Variants in OLA1 observed in about 807,000 individuals in gnomAD.
OLA1 encodes the protein Obg like ATPase 1.
Under a neutral mutation model 48.4 loss-of-function variants are expected in OLA1, and 14 were observed. The observed-to-expected ratio is 0.29, with a 90% CI of 0.19 to 0.45. The LOEUF (loss-of-function observed/expected upper bound fraction) is 0.45, where lower values mean the gene tolerates loss of function less well. OLA1 is among the 20% of genes least tolerant of loss of function. The pLI is 1.00. For synonymous variants in OLA1, 127 were observed against 150.4 expected, an observed-to-expected ratio of 0.84 and a Z score of 1.14; for missense variants, 325 against 467.1, an observed-to-expected ratio of 0.70 and a Z score of 2.80.
Position 174,183,480 on chromosome 2 carries a change from C to A in OLA1, c.373+39553G>T, listed in dbSNP as rs1242726161. ...ACCCTAGCTGGAAAATCTGAATTCA[C>A]CACTTAGCATTAGTGGCCTTTATCT... On this transcript the variant is annotated intron_variant, in intron 4 of 10. Transcript: ENST00000284719. Among the ~76,000 whole-genome samples, 4 of 152,310 alleles carry A rather than the reference C, an allele frequency of 2.6e-5. No individual in the cohort carries two copies. In the East Asian group the frequency reaches 5.8e-4, roughly 22 times the overall value.
intron 4 of OLA1, among the ~76,000 whole-genome samples, chr2:174,174,127 C>G (rs890019458): frequency 6.6e-6 from 1 of 151,298 alleles, no homozygotes; most frequent in African/African-American, 2.4e-5. Flanking sequence ...TAACATGAAT[C>G]CTCCATAAAC....
At chr2:174,201,635 T>C in intron 4 of OLA1, among the ~76,000 whole-genome samples, 1 of 152,198 alleles carries the variant, frequency 6.6e-6, no homozygotes, top group South Asian at 2.1e-4. Context: ...ATTGTTTCTT[T>C]AGTATGCAAA....
At chr2:174,144,951 A>ATTTATATATATATATATAT (rs1553483449) in intron 4 of OLA1, among the ~76,000 whole-genome samples, 1 of 40,278 alleles carries the variant, frequency 2.5e-5, no homozygotes, top group East Asian at 1.9e-3. Flanking sequence ...AAAAAAAAAA[A>ATTTATATATATATATATAT]ATATATATAT....
chr2:174,163,957 C>T lies in OLA1; in HGVS notation c.374-21957G>A, dbSNP rs1055196220. On this transcript the variant is annotated intron_variant, in intron 4 of 10. Coordinates refer to ENST00000284719, the MANE Select transcript of OLA1 (RefSeq NM_013341.5). ...CCAAATCTCATCTTGAATTGTAGTA[C>T]CCACAATCCTCATGTGTGGTGGGAG... 5.3e-5 allele frequency among the ~76,000 whole-genome samples: 8 copies of T among 151,382 alleles called. No individual in the cohort carries two copies. The East Asian group carries it at 1.6e-3, about 30-fold the overall frequency.
intron 2 of OLA1, among the ~76,000 whole-genome samples, chr2:174,243,427 C>A (rs1689053402): frequency 1.3e-5 from 2 of 152,110 alleles, no homozygotes; most frequent in South Asian, 4.1e-4. Context: ...AAATCTTGTT[C>A]AAAAAACAAA....
intron 4 of OLA1, among the ~76,000 whole-genome samples, chr2:174,153,672 G>A (rs1010228244): frequency 6.6e-6 from 1 of 152,146 alleles, no homozygotes; most frequent in Non-Finnish European, 1.5e-5. Flanking sequence ...GTCAACACCT[G>A]TACTTAATTA....
At chr2:174,174,157 T>C (rs1333774313) in intron 4 of OLA1, among the ~76,000 whole-genome samples, 2 of 151,944 alleles carry the variant, frequency 1.3e-5, no homozygotes, top group African/African-American at 4.8e-5. Flanking sequence ...AAATCAAAGA[T>C]AAAATACTTT....
Position 174,075,038 on chromosome 2 carries a change from C to A in OLA1, c.*388G>T. ...TGTCAAATGTTTTATTGAGTGTAGACATCTGGAGTACTGTAAAACATGCAT... is the reference window on the plus strand; with the variant it reads ...TGTCAAATGTTTTATTGAGTGTAGAAATCTGGAGTACTGTAAAACATGCAT... On this transcript the variant is annotated 3_prime_UTR_variant, in exon 11 of 11. Transcript: ENST00000284719. The A allele has an allele frequency of 4.8e-6, 1 of 206,872 alleles. No homozygotes were observed. The highest frequency in any genetic ancestry group is 9.8e-6 in the Non-Finnish European group (1 of 102,366). The allele number at this position is 206,872 out of a possible 1,614,324, so 12.8% of individuals were successfully genotyped here. A position where few individuals can be genotyped will look rare whatever the true frequency, so the allele number is the denominator to read the frequency against.
chr2:174,101,351 G>A (rs1431970258), intron 7 of OLA1, among the ~76,000 whole-genome samples: 1 of 152,100 alleles, frequency 6.6e-6, no homozygotes, highest in African/African-American at 2.4e-5. Flanking sequence ...TTTAAAAGCT[G>A]GGTCATTGGT....
intron 4 of OLA1, among the ~76,000 whole-genome samples, chr2:174,173,755 A>G (rs896210061): frequency 1.3e-5 from 2 of 152,046 alleles, no homozygotes; most frequent in African/African-American, 4.8e-5. Context: ...AAGCCTCTAG[A>G]TAGACTAATC....
chr2:174,229,314 G>A lies in OLA1; in HGVS notation c.239C>T (p.Pro80Leu). The A allele has an allele frequency of 5.0e-6, 8 of 1,611,900 alleles. No individual in the cohort carries two copies. Among genetic ancestry groups the A allele is most frequent in the Non-Finnish European group, 5.1e-6 (6 of 1,179,768 alleles). Residue 80 changes from proline (P) to leucine (L), a missense_variant, in exon 3 of 11, where the codon CCA (proline) becomes CTA (leucine). By Grantham distance (98) the Pro-to-Leu change is moderately conservative. Transcript: ENST00000284719. ...RFDFLCQYHK[P>L]ASKIPAFLNV... is the part of the protein sequence containing the mutation. ...AGCATAAAATATCTCTTACCTTGCT[G>A]GTTTGTGGTATTGACAAAGAAAGTC...
intron 3 of OLA1, among the ~76,000 whole-genome samples, chr2:174,225,269 G>C (rs1487334715): frequency 6.6e-6 from 1 of 152,136 alleles, no homozygotes; most frequent in Non-Finnish European, 1.5e-5. Flanking sequence ...AAGCTGCCTC[G>C]TCCGGGTGCA....
intron 9 of OLA1, chr2:174,080,947 G>A: frequency 1.9e-6 from 1 of 521,944 alleles, no homozygotes. Context: ...TATGTAATAG[G>A]CAGAATCAAT....
intron 4 of OLA1, among the ~76,000 whole-genome samples, chr2:174,157,651 AC>A (rs1428256221): frequency 6.6e-6 from 1 of 152,226 alleles, no homozygotes; most frequent in Non-Finnish European, 1.5e-5. Flanking sequence ...GTTTAAAAAA[AC>A]TATTTTATAA....
chr2:174,220,158 T>A (rs1688467789), intron 4 of OLA1, among the ~76,000 whole-genome samples: 2 of 152,016 alleles, frequency 1.3e-5, no homozygotes, highest in Non-Finnish European at 2.9e-5. Context: ...TCCTTTAGAT[T>A]TAAGCCATTT....
intron 5 of OLA1, among the ~76,000 whole-genome samples, chr2:174,124,471 G>A (rs547066223): frequency 6.6e-6 from 1 of 152,314 alleles, no homozygotes; most frequent in East Asian, 1.9e-4. Context: ...ACGGCAAACA[G>A]CAAGTGACAC....
chr2:174,174,836 G>A (rs1477104783), intron 4 of OLA1, among the ~76,000 whole-genome samples: 1 of 151,688 alleles, frequency 6.6e-6, no homozygotes, highest in Non-Finnish European at 1.5e-5. Flanking sequence ...AATAGGAAAA[G>A]GGTCAGAAGA....
At chr2:174,109,252 T>C (rs1440654749) in intron 7 of OLA1, among the ~76,000 whole-genome samples, 1 of 152,174 alleles carries the variant, frequency 6.6e-6, no homozygotes, top group Non-Finnish European at 1.5e-5. Flanking sequence ...TTTTTTTCTG[T>C]TTTCCAAAAT....
chr2:174,189,646 T>C (rs1418977161), intron 4 of OLA1, among the ~76,000 whole-genome samples: 1 of 152,150 alleles, frequency 6.6e-6, no homozygotes, highest in Non-Finnish European at 1.5e-5. Context: ...GGCAAGGTCA[T>C]AGAGAAATAG....
Sources: allele counts gnomAD v4.1 joint callset (sites outside exome capture counted in the v4.1 genomes callset), GRCh38; gene constraint gnomAD v4.1.1; transcripts MANE v1.5; gene names NCBI Gene and HGNC (gene_info 2026-07-23, HGNC 2026-07-21).